Variants in MPHOSPH9 observed in about 807,000 individuals in gnomAD.
The protein encoded by MPHOSPH9 is M-phase phosphoprotein 9.
In MPHOSPH9, 88 loss-of-function variants were observed where a neutral mutation model predicts 145.5. The observed-to-expected ratio is 0.60, with a 90% CI of 0.51 to 0.72. MPHOSPH9 has a LOEUF of 0.72. Among genes scored for constraint, MPHOSPH9 ranks in the 30% least tolerant of loss-of-function variants. The probability of loss-of-function intolerance (pLI) is 0.00; values close to 1 mark genes in which losing one functional copy is unlikely to be tolerated. For synonymous variants in MPHOSPH9, 435 were observed against 486.2 expected, an observed-to-expected ratio of 0.89 and a Z score of 1.39; for missense variants, 1,238 against 1,386.6, an observed-to-expected ratio of 0.89 and a Z score of 1.70.
intron 1 of MPHOSPH9, among the ~76,000 whole-genome samples, chr12:123,231,228 T>TC (rs1411483445): frequency 1.3e-5 from 2 of 152,198 alleles, no homozygotes; most frequent in Non-Finnish European, 2.9e-5. Context: ...GTGCTCAGCC[T>TC]CCCGAGCAGC....
At chr12:123,183,670 T>C (rs1430309860) in intron 13 of MPHOSPH9, among the ~76,000 whole-genome samples, 1 of 151,100 alleles carries the variant, frequency 6.6e-6, no homozygotes, top group Non-Finnish European at 1.5e-5. Flanking sequence ...TCAGCATAAC[T>C]GTGAGAGATG....
At chr12:123,182,249 G>GTTTTTTTTTTTTTTTTTT (rs72067812) in intron 13 of MPHOSPH9, among the ~76,000 whole-genome samples, 2 of 137,260 alleles carry the variant, frequency 1.5e-5, no homozygotes, top group African/African-American at 2.8e-5. Context: ...TTTTTTTTGT[G>GTTTTTTTTTTTTTTTTTT]TTTTTTTTTT....
intron 13 of MPHOSPH9, among the ~76,000 whole-genome samples, chr12:123,187,900 T>C (rs1016302275): frequency 6.6e-6 from 1 of 151,864 alleles, no homozygotes; most frequent in East Asian, 1.9e-4. Context: ...CTGAGGCGGG[T>C]GAATCACCTG....
At chr12:123,226,220 T>C in intron 3 of MPHOSPH9, 1 of 602,702 alleles carries the variant, frequency 1.7e-6, no homozygotes, top group Non-Finnish European at 2.1e-6. Flanking sequence ...GAAAACTCAA[T>C]TTTTTAAGCA....
At chr12:123,161,008 C>T (rs2044082663) in intron 22 of MPHOSPH9, 128 bp downstream of exon 22, 1 of 1,356,420 alleles carries the variant, frequency 7.4e-7, no homozygotes, top group Middle Eastern at 2.0e-4. Flanking sequence ...AAATCCGTTG[C>T]TAGCACAGCT....
At chr12:123,230,210 G>A in intron 2 of MPHOSPH9, 51 bp downstream of exon 2, 2 of 925,668 alleles carry the variant, frequency 2.2e-6, no homozygotes, top group Non-Finnish European at 3.3e-6. Flanking sequence ...ATAAACGTAT[G>A]CAAATAAGGT....
At chr12:123,179,732 AAAAG>A (rs1465743402) in intron 15 of MPHOSPH9, among the ~76,000 whole-genome samples, 190 bp downstream of exon 15, 1 of 151,716 alleles carries the variant, frequency 6.6e-6, no homozygotes, top group African/African-American at 2.4e-5. Context: ...AAAAAAAAAA[AAAAG>A]AGAGAGAGAG....
chr12:123,198,319 A>G lies in MPHOSPH9; in HGVS notation c.1953T>C (p.Asp651=). The G allele has an allele frequency of 6.2e-7, 1 of 1,611,742 alleles. No individual in the cohort carries two copies. Among genetic ancestry groups the G allele is most frequent in the South Asian group, 1.1e-5 (1 of 90,682 alleles). ...QILVDRCGQL[D]SALHEATSRV... Reference sequence around the variant, plus strand: ...GACTAGTAGCTTCATGCAAAGCACTATCTAATTGGCCACATCTAAAAACCA... The same window carrying G: ...GACTAGTAGCTTCATGCAAAGCACTGTCTAATTGGCCACATCTAAAAACCA... The change falls in exon 12 of 24, where the codon GAT becomes GAC. Residue 651 remains aspartate (D), a synonymous_variant. Transcript: ENST00000606320.
intron 3 of MPHOSPH9, among the ~76,000 whole-genome samples, chr12:123,225,710 CT>C (rs1469271550): frequency 1.3e-5 from 2 of 152,102 alleles, no homozygotes; most frequent in African/African-American, 4.8e-5. Context: ...GCAATGCCTC[CT>C]TTGTCCTAAA....
At chr12:123,172,871 CTTTTTTTTTTTTTTT>C (rs1161727056) in intron 16 of MPHOSPH9, among the ~76,000 whole-genome samples, 2 of 57,930 alleles carry the variant, frequency 3.5e-5, no homozygotes, top group Non-Finnish European at 3.2e-5. Flanking sequence ...TTTTCATTCA[CTTTTTTTTTTTTTTT>C]TTTTTTTTTT....
chr12:123,218,875 A>AGTTGTT (rs10654220), intron 5 of MPHOSPH9, among the ~76,000 whole-genome samples: 5 of 151,334 alleles, frequency 3.3e-5, no homozygotes, highest in Non-Finnish European at 7.4e-5. Context: ...AGTTGCTTTC[A>AGTTGTT]GTTGTTGTGT....
At position 123,209,055 on chromosome 12, in the gene MPHOSPH9, C is replaced by A. The variant is rs138513975; in HGVS notation, c.1194+1001G>T. Among the ~76,000 whole-genome samples, 182 of 152,260 alleles carry A rather than the reference C, an allele frequency of 1.2e-3. 1 individual carries two copies. Among genetic ancestry groups the A allele is most frequent in the Admixed American group, 3.9e-3 (59 of 15,274 alleles). ...TCAAGTGATTCTCCTGCCTCAGCCA[C>A]CTGAGCAGCTGGGATTACAAGTGCA... On this transcript the variant is annotated intron_variant, in intron 8 of 23. Transcript: ENST00000606320.
At chr12:123,183,735 A>C (rs1453604404) in intron 13 of MPHOSPH9, among the ~76,000 whole-genome samples, 2 of 152,034 alleles carry the variant, frequency 1.3e-5, no homozygotes, top group Non-Finnish European at 2.9e-5. Flanking sequence ...AGGGCTGACC[A>C]CAGAAAACTG....
chr12:123,183,883 G>T (rs184313135), intron 13 of MPHOSPH9, among the ~76,000 whole-genome samples: 1 of 152,120 alleles, frequency 6.6e-6, no homozygotes, highest in Non-Finnish European at 1.5e-5. Flanking sequence ...ATAGTGGAGT[G>T]GGAGGCAGAG....
chr12:123,211,787 G>A (rs1394691636), intron 7 of MPHOSPH9, among the ~76,000 whole-genome samples: 1 of 133,576 alleles, frequency 7.5e-6, no homozygotes, highest in Admixed American at 8.6e-5. Flanking sequence ...CTGACCTCCC[G>A]AGCTCAAGCC....
chr12:123,205,551 A>C (rs902037991), intron 8 of MPHOSPH9, among the ~76,000 whole-genome samples: 2 of 152,168 alleles, frequency 1.3e-5, no homozygotes, highest in South Asian at 4.1e-4. Flanking sequence ...GCCTCAAAAA[A>C]AAAAAAGTAC....
chr12:123,221,347 T>C (rs770517083), intron 5 of MPHOSPH9, 25 bp downstream of exon 5: 2 of 1,516,850 alleles, frequency 1.3e-6, no homozygotes, highest in Non-Finnish European at 1.8e-6. Flanking sequence ...ATAAACTCCC[T>C]TCAAATGATA....
At chr12:123,180,709 C>T (rs1790125) in intron 14 of MPHOSPH9, among the ~76,000 whole-genome samples, 98,274 of 151,856 alleles carry the variant, frequency 0.65, 36,289 homozygotes, top group East Asian at 1. Context: ...CCTGTCTCTA[C>T]TAAAAATATA....
rs1397174118 is a variant in MPHOSPH9 at position 123,218,043 on chromosome 12, TC to T, written c.996+332del. Among the ~76,000 whole-genome samples, 3 of 112,340 alleles carry T rather than the reference TC, an allele frequency of 2.7e-5. No homozygotes were observed. In the Admixed American group the frequency reaches 2.8e-4, roughly 11 times the overall value. 73.7% of individuals were successfully genotyped at this position (112,340 alleles called of 152,430 possible). ...CTGGGTGACAGAGCGAGACTCCATC[TC>T]AAAAAAAAAAAAAAAAATTGGCCAG... is the stretch of plus-strand genomic sequence containing the variant. On this transcript the variant is annotated intron_variant, in intron 6 of 23. Transcript: ENST00000606320.
Sources: gnomAD v4.1 joint callset for allele counts (sites outside exome capture counted in the v4.1 genomes callset) on GRCh38, gnomAD v4.1.1 for gene constraint, MANE v1.5 for transcripts, NCBI Gene and HGNC (gene_info 2026-07-23, HGNC 2026-07-21) for gene names.